ELP4: variants seen among roughly 807,000 people sequenced by gnomAD.
ELP4 encodes the protein elongator complex protein 4.
In ELP4, 51 loss-of-function variants were observed where a neutral mutation model predicts 48.9. The ratio of observed to expected loss-of-function variants is 1.04; its 90% CI spans 0.83 to 1.32. The LOEUF (loss-of-function observed/expected upper bound fraction) is 1.32. Among genes scored for constraint, ELP4 ranks in the 40% most tolerant of loss-of-function variants. The pLI, the probability that ELP4 is intolerant of heterozygous loss-of-function variation, is 0.00. For synonymous variants in ELP4, 210 were observed against 189.2 expected, an observed-to-expected ratio of 1.11 and a Z score of -0.90; for missense variants, 519 against 514.6, an observed-to-expected ratio of 1.01 and a Z score of -0.08.
At chr11:31,735,169 A>AAT (rs1036625914) in intron 9 of ELP4, among the ~76,000 whole-genome samples, 2 of 151,522 alleles carry the variant, frequency 1.3e-5, no homozygotes, top group Non-Finnish European at 2.9e-5. Context: ...CAAAAAAAAA[A>AAT]AAAACACGCA....
chr11:31,711,815 T>C (rs1946748198), intron 9 of ELP4, among the ~76,000 whole-genome samples: 1 of 152,144 alleles, frequency 6.6e-6, no homozygotes, highest in South Asian at 2.1e-4. Flanking sequence ...AATTACCTAA[T>C]GAATTAAATC....
chr11:31,537,793 C>T (rs539886046), intron 2 of ELP4, among the ~76,000 whole-genome samples: 7 of 152,202 alleles, frequency 4.6e-5, no homozygotes, highest in Non-Finnish European at 7.4e-5. Context: ...CCTCCAACAC[C>T]GGGGACTACA....
chr11:31,603,762 T>C lies in ELP4; in HGVS notation c.514-6T>C. On this transcript the variant is annotated splice_polypyrimidine_tract_variant and splice_region_variant and intron_variant, in intron 4 of 9. Coordinates refer to ENST00000640961, the MANE Select transcript of ELP4 (RefSeq NM_019040.5). ...TTAACAACCACTATGGGGTTTATTT[T>C]AGCAGATTGGACCAGTATCATCTTC... The C allele has an allele frequency of 6.2e-7, 1 of 1,606,518 alleles. No individual in the cohort carries two copies. The highest frequency in any genetic ancestry group is 8.5e-7 in the Non-Finnish European group (1 of 1,175,700).
chr11:31,630,169 T>C (rs1944830314), intron 6 of ELP4, among the ~76,000 whole-genome samples: 1 of 151,500 alleles, frequency 6.6e-6, no homozygotes, highest in South Asian at 2.1e-4. Context: ...CATAGTACAA[T>C]CATGTTTTAG....
intron 3 of ELP4, among the ~76,000 whole-genome samples, chr11:31,592,974 A>G (rs1957609270): frequency 6.6e-6 from 1 of 152,154 alleles, no homozygotes; most frequent in Non-Finnish European, 1.5e-5. Context: ...TTTATTATTA[A>G]GTTGTGAGTA....
At chr11:31,644,355 A>T (rs1945158788) in intron 7 of ELP4, among the ~76,000 whole-genome samples, 1 of 151,884 alleles carries the variant, frequency 6.6e-6, no homozygotes, top group African/African-American at 2.4e-5. Context: ...GTTCAAATTT[A>T]AGTAATTGAC....
At chr11:31,716,531 C>T (rs563254527) in intron 9 of ELP4, among the ~76,000 whole-genome samples, 13 of 152,190 alleles carry the variant, frequency 8.5e-5, no homozygotes, top group African/African-American at 3.1e-4. Context: ...CACATAAATG[C>T]CATATAAGTG....
chr11:31,605,121 G>A lies in ELP4; in HGVS notation c.653+1214G>A, dbSNP rs557847061. On this transcript the variant is annotated intron_variant, in intron 5 of 9. Transcript: ENST00000640961. ...TCTTTTTTGCTTCACTGCTTCAGAA[G>A]ATTTTGGTGTCTTTCACCTTTACTT... Among the ~76,000 whole-genome samples, 5 of 152,082 alleles carry A rather than the reference G, an allele frequency of 3.3e-5. No homozygotes were observed. The South Asian group carries it at 1.0e-3, about 32-fold the overall frequency.
intron 3 of ELP4, among the ~76,000 whole-genome samples, chr11:31,571,610 C>G (rs541841538): frequency 6.6e-6 from 1 of 152,280 alleles, no homozygotes; most frequent in Non-Finnish European, 1.5e-5. Context: ...AGAGGAATCA[C>G]TATCTATAGC....
chr11:31,624,498 A>C (rs941084067), intron 5 of ELP4, among the ~76,000 whole-genome samples: 2 of 151,586 alleles, frequency 1.3e-5, no homozygotes, highest in Non-Finnish European at 1.5e-5. Flanking sequence ...ACAGGACTGG[A>C]AGTTGCTCTG....
chr11:31,540,420 G>A (rs192217042), intron 3 of ELP4, among the ~76,000 whole-genome samples: 179 of 152,294 alleles, frequency 1.2e-3, no homozygotes, highest in Non-Finnish European at 1.9e-3. Context: ...CTTAGCACAA[G>A]CAAAAATAAA....
intron 3 of ELP4, chr11:31,573,729 A>G (rs1003137774): frequency 2.6e-5 from 4 of 152,072 alleles, no homozygotes; most frequent in African/African-American, 7.2e-5. Flanking sequence ...TAGGACTTCA[A>G]TGTATGGACC....
intron 9 of ELP4, among the ~76,000 whole-genome samples, chr11:31,709,303 T>C (rs978787479): frequency 6.6e-6 from 1 of 152,192 alleles, no homozygotes; most frequent in Non-Finnish European, 1.5e-5. Context: ...AATAGGATTT[T>C]CAATCCAAGG....
intron 1 of ELP4, among the ~76,000 whole-genome samples, chr11:31,517,766 G>A (rs1956143226): frequency 6.6e-6 from 1 of 151,882 alleles, no homozygotes; most frequent in Non-Finnish European, 1.5e-5. Flanking sequence ...ACAGGCGGCA[G>A]CCACCGCGCC....
At chr11:31,673,699 A>T (rs1382026296) in intron 9 of ELP4, among the ~76,000 whole-genome samples, 2 of 152,220 alleles carry the variant, frequency 1.3e-5, no homozygotes, top group Admixed American at 6.5e-5. Flanking sequence ...ATTATCAGTT[A>T]TCTATCATAA....
chr11:31,510,372 A>G, intron 1 of ELP4: 2 of 458,672 alleles, frequency 4.4e-6, no homozygotes, highest in Admixed American at 3.6e-5. Context: ...TTCTCCAGGC[A>G]GCTCACGGTT....
At chr11:31,674,613 C>A (rs973879393) in intron 9 of ELP4, among the ~76,000 whole-genome samples, 1 of 152,148 alleles carries the variant, frequency 6.6e-6, no homozygotes. Flanking sequence ...AAAAGAGTTA[C>A]CATTTTAGTT....
chr11:31,546,888 G>A (rs1190730689), intron 3 of ELP4, among the ~76,000 whole-genome samples: 1 of 152,088 alleles, frequency 6.6e-6, no homozygotes. Flanking sequence ...AATGACTACT[G>A]GGTACATAAC....
chr11:31,627,263 G>A lies in ELP4; in HGVS notation c.738+69G>A, dbSNP rs1202256162. On this transcript the variant is annotated intron_variant, in intron 6 of 9. Coordinates refer to ENST00000640961, the MANE Select transcript of ELP4 (RefSeq NM_019040.5). ...TTGTTTTCAAATTCTCTGGGGGGGG[G>A]GGCGGGAACCCAGAAGTTTTAGAAT... 2.4e-5 allele frequency: 5 copies of A among 208,586 alleles called. 2 individuals are homozygous for A. The highest frequency in any genetic ancestry group is 6.1e-5 in the South Asian group (1 of 16,508). The allele number at this position is 208,586 out of a possible 1,614,324, so 12.9% of individuals were successfully genotyped here. A position where few individuals can be genotyped will look rare whatever the true frequency, so the allele number is the denominator to read the frequency against.
Sources: gnomAD v4.1 joint callset for allele counts (sites outside exome capture counted in the v4.1 genomes callset) on GRCh38, gnomAD v4.1.1 for gene constraint, MANE v1.5 for transcripts, NCBI Gene and HGNC (gene_info 2026-07-23, HGNC 2026-07-21) for gene names.